ASPRV1: variants seen among roughly 807,000 people sequenced by gnomAD.
ASPRV1 encodes the protein aspartic peptidase retroviral like 1.
Under a neutral mutation model 11.0 loss-of-function variants are expected in ASPRV1, and 7 were observed. That is an observed-to-expected ratio of 0.64 (90% CI 0.36 to 1.20). The LOEUF is 1.20. Among genes scored for constraint, ASPRV1 ranks in the 50% most tolerant of loss-of-function variants. The pLI is 0.02. For missense variants in ASPRV1, 299 were observed against 320.0 expected, an observed-to-expected ratio of 0.93 and a Z score of 0.50; for synonymous variants, 136 against 138.4, an observed-to-expected ratio of 0.98 and a Z score of 0.12.
At chr2:69,933,245 A>G in the ASPRV1 span, among the ~76,000 whole-genome samples, 4 of 151,266 alleles carry the variant, frequency 2.6e-5, no homozygotes, top group Non-Finnish European at 5.9e-5. Flanking sequence ...AAATTAGTCT[A>G]TAAGTTTTAT....
chr2:69,982,336 G>T, the ASPRV1 span, among the ~76,000 whole-genome samples: 1 of 151,506 alleles, frequency 6.6e-6, no homozygotes, highest in African/African-American at 2.4e-5. Flanking sequence ...CATGCCTGTA[G>T]ACCCAGCTAC....
chr2:70,043,753 G>A, the ASPRV1 span, among the ~76,000 whole-genome samples: 1 of 152,218 alleles, frequency 6.6e-6, no homozygotes. Context: ...ATCTGTGACA[G>A]TCTTTGTCTC....
the ASPRV1 span, chr2:70,075,040 G>C: frequency 6.6e-6 from 1 of 151,286 alleles, no homozygotes; most frequent in South Asian, 2.1e-4. Flanking sequence ...CTTGAACCCA[G>C]GAGATGGAGG....
chr2:69,976,501 A>G, the ASPRV1 span: 4 of 152,230 alleles, frequency 2.6e-5, no homozygotes, highest in African/African-American at 9.6e-5. Flanking sequence ...CAACCCAGAC[A>G]TGGCTCTGGA....
the ASPRV1 span, among the ~76,000 whole-genome samples, chr2:70,027,793 CA>C: frequency 6.6e-6 from 1 of 152,138 alleles, no homozygotes; most frequent in Non-Finnish European, 1.5e-5. Context: ...AGGGTGACTA[CA>C]GTTAATAATC....
At chr2:69,986,743 C>A in the ASPRV1 span, among the ~76,000 whole-genome samples, 1 of 152,342 alleles carries the variant, frequency 6.6e-6, no homozygotes, top group South Asian at 2.1e-4. Flanking sequence ...CCAGGTGTCA[C>A]CTTGCTGTGT....
chr2:70,073,840 C>CT, the ASPRV1 span, among the ~76,000 whole-genome samples: 1 of 152,118 alleles, frequency 6.6e-6, no homozygotes, highest in South Asian at 2.1e-4. Flanking sequence ...GGCAGACTCT[C>CT]TAAGAACTCA....
At chr2:70,002,347 G>T in the ASPRV1 span, among the ~76,000 whole-genome samples, 1 of 152,162 alleles carries the variant, frequency 6.6e-6, no homozygotes, top group East Asian at 1.9e-4. Flanking sequence ...ACTGGGTAAG[G>T]TTTGTGTCTC....
the ASPRV1 span, among the ~76,000 whole-genome samples, chr2:70,057,667 T>C: frequency 4.0e-5 from 6 of 151,502 alleles, no homozygotes; most frequent in South Asian, 1.2e-3. Flanking sequence ...TTAGTAAAGA[T>C]GGGGTTTCAT....
At chr2:70,038,347 G>A in the ASPRV1 span, among the ~76,000 whole-genome samples, 1 of 152,192 alleles carries the variant, frequency 6.6e-6, no homozygotes, top group South Asian at 2.1e-4. Context: ...AGTGGCCTGG[G>A]CAACCAGGCT....
At chr2:70,073,338 T>C in the ASPRV1 span, 1 of 152,018 alleles carries the variant, frequency 6.6e-6, no homozygotes, top group African/African-American at 2.4e-5. Context: ...AACTAAGAAG[T>C]CCCTCTTCTA....
At chr2:70,080,117 A>C in the ASPRV1 span, among the ~76,000 whole-genome samples, 3 of 152,242 alleles carry the variant, frequency 2.0e-5, no homozygotes, top group South Asian at 2.1e-4. Context: ...CAAACCTCCT[A>C]ACCAGCTTAA....
chr2:70,047,040 C>T, the ASPRV1 span, among the ~76,000 whole-genome samples: 3 of 152,136 alleles, frequency 2.0e-5, no homozygotes, highest in Non-Finnish European at 4.4e-5. Flanking sequence ...CCCCTGACTT[C>T]AGGAAGAAGC....
At chr2:70,044,241 C>T in the ASPRV1 span, among the ~76,000 whole-genome samples, 1 of 152,100 alleles carries the variant, frequency 6.6e-6, no homozygotes, top group East Asian at 1.9e-4. Flanking sequence ...ATTGTGGGAT[C>T]CCAAGCAATA....
chr2:70,033,212 C>T, the ASPRV1 span, among the ~76,000 whole-genome samples: 52 of 151,928 alleles, frequency 3.4e-4, no homozygotes, highest in African/African-American at 1.3e-3. Flanking sequence ...GGATCTCTTC[C>T]TCTGCTCTAA....
At chr2:69,948,086 A>AAAAG in the ASPRV1 span, among the ~76,000 whole-genome samples, 1 of 151,414 alleles carries the variant, frequency 6.6e-6, no homozygotes, top group African/African-American at 2.4e-5. Context: ...CGTCTCTCAA[A>AAAAG]AAAAAAAAAA....
At chr2:69,937,175 G>A in the ASPRV1 span, 5 of 1,599,916 alleles carry the variant, frequency 3.1e-6, no homozygotes, top group Admixed American at 3.3e-5. Flanking sequence ...AAGATGCGGG[G>A]GCCATTGCCC....
chr2:70,064,762 A>T, the ASPRV1 span, among the ~76,000 whole-genome samples: 4 of 152,180 alleles, frequency 2.6e-5, no homozygotes, highest in African/African-American at 4.8e-5. Flanking sequence ...AATGTGTCAG[A>T]CATTGTCCTA....
the ASPRV1 span, among the ~76,000 whole-genome samples, chr2:69,954,507 T>C: frequency 6.6e-6 from 1 of 152,194 alleles, no homozygotes; most frequent in South Asian, 2.1e-4. Context: ...GAGTGCATTT[T>C]AGAGCTGAAA....
Sources: gnomAD v4.1 joint callset for allele counts (sites outside exome capture counted in the v4.1 genomes callset) on GRCh38, gnomAD v4.1.1 for gene constraint, MANE v1.5 for transcripts, NCBI Gene and HGNC (gene_info 2026-07-23, HGNC 2026-07-21) for gene names.